LRMDA: variants seen among roughly 807,000 people sequenced by gnomAD.
LRMDA encodes leucine rich melanocyte differentiation associated.
In LRMDA, 18 loss-of-function variants were observed where a neutral mutation model predicts 29.8. The ratio of observed to expected loss-of-function variants is 0.60; its 90% CI spans 0.42 to 0.90. The LOEUF (loss-of-function observed/expected upper bound fraction) is 0.90. Among genes scored for constraint, LRMDA ranks in the 40% least tolerant of loss-of-function variants. The pLI, the probability that LRMDA is intolerant of heterozygous loss-of-function variation, is 0.00. For missense variants in LRMDA, 273 were observed against 273.9 expected (o/e 1.00, Z 0.02); for synonymous variants, 125 against 109.4 (o/e 1.14, Z -0.89).
intron 2 of LRMDA, among the ~76,000 whole-genome samples, chr10:75,893,953 A>G (rs1845539806): frequency 6.6e-6 from 1 of 152,060 alleles, no homozygotes; most frequent in Admixed American, 6.5e-5. Flanking sequence ...AAACAAAAAA[A>G]AAAGAAAGAA....
intron 5 of LRMDA, among the ~76,000 whole-genome samples, chr10:76,307,288 T>A (rs536815489): frequency 6.6e-6 from 1 of 152,150 alleles, no homozygotes; most frequent in Admixed American, 6.5e-5. Context: ...GGGGAGGGTT[T>A]TCTGGAGGTG....
At chr10:76,328,934 AG>A (rs1840870188) in intron 6 of LRMDA, among the ~76,000 whole-genome samples, 1 of 152,210 alleles carries the variant, frequency 6.6e-6, no homozygotes, top group Non-Finnish European at 1.5e-5. Context: ...CACCACCCAG[AG>A]TCACAACCTC....
intron 2 of LRMDA, among the ~76,000 whole-genome samples, chr10:75,774,422 C>T (rs1843282341): frequency 6.6e-6 from 1 of 151,968 alleles, no homozygotes; most frequent in South Asian, 2.1e-4. Flanking sequence ...GGATTCATAA[C>T]AGTTCAGTTA....
chr10:75,500,095 A>G (rs537927187), intron 2 of LRMDA, among the ~76,000 whole-genome samples: 1 of 152,188 alleles, frequency 6.6e-6, no homozygotes, highest in South Asian at 2.1e-4. Context: ...GTGGAACCCT[A>G]ATATGTCAAA....
At chr10:76,399,925 A>G (rs1292618038) in intron 6 of LRMDA, among the ~76,000 whole-genome samples, 1 of 152,180 alleles carries the variant, frequency 6.6e-6, no homozygotes, top group Admixed American at 6.6e-5. Context: ...ATGTGGCAGC[A>G]GCTTCTAAGA....
At chr10:75,803,426 T>C (rs2132263748) in intron 2 of LRMDA, among the ~76,000 whole-genome samples, 1 of 152,262 alleles carries the variant, frequency 6.6e-6, no homozygotes, top group Non-Finnish European at 1.5e-5. Flanking sequence ...GGGTGAAGGC[T>C]GGGGTAACAA....
At chr10:76,402,713 G>A (rs1166837304) in intron 6 of LRMDA, among the ~76,000 whole-genome samples, 4 of 152,060 alleles carry the variant, frequency 2.6e-5, no homozygotes, top group South Asian at 4.2e-4. Flanking sequence ...CTTGCCTCTG[G>A]GCTTGTCTAG....
At chr10:76,310,641 C>T (rs775700493) in intron 5 of LRMDA, among the ~76,000 whole-genome samples, 12 of 152,210 alleles carry the variant, frequency 7.9e-5, no homozygotes, top group Non-Finnish European at 1.2e-4. Context: ...ATTTGGGAAA[C>T]GATATTCATA....
At chr10:76,015,990 T>C (rs1246378123) in intron 2 of LRMDA, among the ~76,000 whole-genome samples, 1 of 152,228 alleles carries the variant, frequency 6.6e-6, no homozygotes, top group Non-Finnish European at 1.5e-5. Context: ...TTGTAGCACT[T>C]ATTTTCTATA....
intron 6 of LRMDA, among the ~76,000 whole-genome samples, chr10:76,506,081 C>G (rs2132347270): frequency 6.6e-6 from 1 of 152,258 alleles, no homozygotes; most frequent in Non-Finnish European, 1.5e-5. Context: ...CTTCCTCCCT[C>G]TTCAGCCTTG....
At chr10:76,227,459 A>G (rs1851980742) in intron 5 of LRMDA, among the ~76,000 whole-genome samples, 2 of 152,334 alleles carry the variant, frequency 1.3e-5, no homozygotes, top group African/African-American at 4.8e-5. Flanking sequence ...GTACCTACCA[A>G]CTGTAATTTT....
chr10:76,145,553 TTA>T (rs1850298534), intron 5 of LRMDA, among the ~76,000 whole-genome samples: 1 of 148,352 alleles, frequency 6.7e-6, no homozygotes, highest in African/African-American at 2.5e-5. Context: ...TTGTCATTTT[TTA>T]TTGCGTCTAT....
At chr10:76,442,714 A>G (rs4746394) in intron 6 of LRMDA, among the ~76,000 whole-genome samples, 124,308 of 152,082 alleles carry the variant, frequency 0.82, 51,974 homozygotes, top group Non-Finnish European at 0.93. Context: ...AAACCAATAC[A>G]TAAATCATAT....
At chr10:75,612,007 C>T (rs2132099881) in intron 2 of LRMDA, among the ~76,000 whole-genome samples, 1 of 152,252 alleles carries the variant, frequency 6.6e-6, no homozygotes, top group South Asian at 2.1e-4. Flanking sequence ...TTGATTTGCC[C>T]CAGACTGGGA....
intron 2 of LRMDA, among the ~76,000 whole-genome samples, chr10:75,839,057 A>G (rs1589224401): frequency 6.6e-6 from 1 of 152,222 alleles, no homozygotes; most frequent in African/African-American, 2.4e-5. Flanking sequence ...CTCCAGGCCT[A>G]TCCTTCACTT....
chr10:76,200,341 G>T (rs964980665), intron 5 of LRMDA, among the ~76,000 whole-genome samples: 2 of 152,172 alleles, frequency 1.3e-5, no homozygotes, highest in Non-Finnish European at 2.9e-5. Flanking sequence ...AGAAACGTTA[G>T]AGAGTGATTA....
intron 5 of LRMDA, among the ~76,000 whole-genome samples, chr10:76,130,092 A>C (rs1393828861): frequency 6.7e-6 from 1 of 148,800 alleles, no homozygotes; most frequent in East Asian, 2.0e-4. Flanking sequence ...ATATCTGAAC[A>C]CCAGTCACTG....
intron 5 of LRMDA, among the ~76,000 whole-genome samples, chr10:76,095,991 G>A (rs868034033): frequency 1.7e-4 from 25 of 149,562 alleles, no homozygotes; most frequent in African/African-American, 5.9e-4. Context: ...ATTGAGTTTT[G>A]AGATTTCTTT....
chr10:75,703,469 TG>T (rs1390422984), intron 2 of LRMDA, among the ~76,000 whole-genome samples: 1 of 152,226 alleles, frequency 6.6e-6, no homozygotes, highest in African/African-American at 2.4e-5. Context: ...AGCAACAAAG[TG>T]TCCCAGGTGT....
Sources: gnomAD v4.1 joint callset for allele counts (sites outside exome capture counted in the v4.1 genomes callset) on GRCh38, gnomAD v4.1.1 for gene constraint, MANE v1.5 for transcripts, NCBI Gene and HGNC (gene_info 2026-07-23, HGNC 2026-07-21) for gene names.